Variants in PARD3B observed in about 807,000 individuals in gnomAD.
PARD3B encodes the protein par-3 family cell polarity regulator beta, also known as partitioning defective 3 homolog B.
In PARD3B, 103 loss-of-function variants were observed where a neutral mutation model predicts 130.2. The observed-to-expected ratio is 0.79, with a 90% CI of 0.67 to 0.93. The LOEUF is 0.93. Among genes scored for constraint, PARD3B ranks in the 40% least tolerant of loss-of-function variants. PARD3B has a pLI of 0.00. For missense variants in PARD3B, 1,609 were observed against 1,499.2 expected (o/e 1.07, Z -1.21); for synonymous variants, 583 against 553.2 (o/e 1.05, Z -0.76).
chr2:205,569,936 T>A (rs565516359), intron 22 of PARD3B, among the ~76,000 whole-genome samples: 21 of 152,214 alleles, frequency 1.4e-4, no homozygotes, highest in African/African-American at 5.1e-4. Context: ...ACACCCCTCA[T>A]CTCCTAGAGC....
Position 205,351,010 on chromosome 2 carries a change from T to G in PARD3B, c.2630+49309T>G, listed in dbSNP as rs947739475. ...CTTACTAAATTTTACTAATTGCATATCAAAACAATGATAAGAGCAACTTCT... is the reference window on the plus strand; with the variant it reads ...CTTACTAAATTTTACTAATTGCATAGCAAAACAATGATAAGAGCAACTTCT... On this transcript the variant is annotated intron_variant, in intron 18 of 22. Transcript: ENST00000406610. This position sits in a 1 kb window ranked among gnomAD's most constrained non-coding sequence, Gnocchi z 4.2. 6.6e-6 allele frequency among the ~76,000 whole-genome samples: 1 copy of G among 152,250 alleles called. No individual in the cohort carries two copies. Among genetic ancestry groups the G allele is most frequent in the African/African-American group, 2.4e-5 (1 of 41,470 alleles).
chr2:205,560,806 T>A (rs997986172), intron 22 of PARD3B, among the ~76,000 whole-genome samples: 2 of 152,176 alleles, frequency 1.3e-5, no homozygotes, highest in Non-Finnish European at 2.9e-5. Flanking sequence ...TGGAGCTGAG[T>A]GTGGATAGAA....
intron 20 of PARD3B, among the ~76,000 whole-genome samples, chr2:205,442,517 G>A (rs2047755330): frequency 6.6e-6 from 1 of 152,030 alleles, no homozygotes; most frequent in African/African-American, 2.4e-5. Flanking sequence ...TAACCAGGCT[G>A]GTCTTGAACT....
intron 2 of PARD3B, among the ~76,000 whole-genome samples, chr2:204,800,785 C>T (rs931795945): frequency 6.6e-6 from 1 of 152,120 alleles, no homozygotes; most frequent in Admixed American, 6.5e-5. Flanking sequence ...AAGTCTTTGC[C>T]CATGCCTATG....
chr2:204,790,854 C>T (rs1164180487), intron 2 of PARD3B, among the ~76,000 whole-genome samples: 1 of 152,114 alleles, frequency 6.6e-6, no homozygotes, highest in African/African-American at 2.4e-5. Flanking sequence ...CCTGTAATAC[C>T]AGCCCTTTGG....
At chr2:205,314,532 A>T (rs571319347) in intron 18 of PARD3B, among the ~76,000 whole-genome samples, 1 of 152,336 alleles carries the variant, frequency 6.6e-6, no homozygotes, top group East Asian at 1.9e-4. Context: ...AAGCAAGGAG[A>T]CCTGAATCTT....
intron 1 of PARD3B, among the ~76,000 whole-genome samples, chr2:204,680,394 T>C (rs536247722): frequency 6.6e-6 from 1 of 152,082 alleles, no homozygotes; most frequent in Non-Finnish European, 1.5e-5. Context: ...ATCTGTAGGA[T>C]CTATAATGGT....
intron 20 of PARD3B, among the ~76,000 whole-genome samples, chr2:205,489,546 A>ATG (rs374382903): frequency 6.3e-5 from 5 of 78,844 alleles, no homozygotes; most frequent in African/African-American, 1.2e-4. Context: ...TGGCATATAT[A>ATG]TGTATATATA....
Position 205,366,668 on chromosome 2 carries a change from C to CT in PARD3B, c.2631-34335dup, listed in dbSNP as rs72047782. On this transcript the variant is annotated intron_variant, in intron 18 of 22. Coordinates refer to ENST00000406610, the MANE Select transcript of PARD3B (RefSeq NM_001302769.2). The surrounding 1 kb of genome is among the most constrained non-coding windows in gnomAD (Gnocchi z 5.0). The stretch of plus-strand genomic sequence containing the variant: ...GTCTCCTCTCAAGCCTAAATTCACA[C>CT]TTTTTTTTTTCTTTAACTGTGACTG... Among the ~76,000 whole-genome samples, 51 of 150,578 alleles carry CT rather than the reference C, an allele frequency of 3.4e-4. 1 individual carries two copies. Among genetic ancestry groups the CT allele is most frequent in the African/African-American group, 1.2e-3 (50 of 41,148 alleles).
chr2:204,660,286 C>T (rs1199935905), intron 1 of PARD3B, among the ~76,000 whole-genome samples: 1 of 152,104 alleles, frequency 6.6e-6, no homozygotes, highest in Non-Finnish European at 1.5e-5. Flanking sequence ...TTGCAATTAA[C>T]CACCTCCTTC....
chr2:204,563,535 C>T (rs2031481244), intron 1 of PARD3B, among the ~76,000 whole-genome samples: 1 of 152,032 alleles, frequency 6.6e-6, no homozygotes, highest in African/African-American at 2.4e-5. Context: ...TTCCCCATTG[C>T]CTTTCTTACA....
Position 205,300,520 on chromosome 2 carries a change from T to G in PARD3B, c.2186-10T>G, listed in dbSNP as rs1418082705. 12 of 1,610,006 alleles carry G rather than the reference T, an allele frequency of 7.5e-6. No individual in the cohort carries two copies. Among genetic ancestry groups the G allele is most frequent in the Non-Finnish European group, 1.0e-5 (12 of 1,177,116 alleles). Reference sequence around the variant, plus strand: ...AGAAGAGGGGTGACCTTTTGCCCTTTCTTTTCCAGAATCTCCAAGCAAAGA... The same window carrying G: ...AGAAGAGGGGTGACCTTTTGCCCTTGCTTTTCCAGAATCTCCAAGCAAAGA... On this transcript the variant is annotated splice_polypyrimidine_tract_variant and intron_variant, in intron 16 of 22. Transcript: ENST00000406610. This position sits in a 1 kb window ranked among gnomAD's most constrained non-coding sequence, Gnocchi z 4.1.
chr2:205,031,649 A>G (rs1697433101), intron 3 of PARD3B, among the ~76,000 whole-genome samples: 1 of 152,042 alleles, frequency 6.6e-6, no homozygotes. Flanking sequence ...ACTTATCAAT[A>G]TTGTCTGTTT....
At position 204,579,399 on chromosome 2, in the gene PARD3B, G is replaced by A. The variant is rs965426370; in HGVS notation, c.120+33280G>A. 3.9e-5 allele frequency among the ~76,000 whole-genome samples: 6 copies of A among 152,064 alleles called. No homozygotes were observed. In the South Asian group the frequency reaches 1.0e-3, roughly 26 times the overall value. ...TCATTCTTGGTGGTTCCCAGGGAGC[G>A]CGAGGAATGATGTCAGCAGAGCCGT... On this transcript the variant is annotated intron_variant, in intron 1 of 22. Coordinates refer to ENST00000406610, the MANE Select transcript of PARD3B (RefSeq NM_001302769.2).
chr2:204,742,391 G>T (rs914989105), intron 2 of PARD3B, among the ~76,000 whole-genome samples: 1 of 152,144 alleles, frequency 6.6e-6, no homozygotes, highest in Non-Finnish European at 1.5e-5. Context: ...AAGTAGACCA[G>T]GGTGGGACTC....
intron 2 of PARD3B, among the ~76,000 whole-genome samples, chr2:204,765,086 TG>T (rs2041085549): frequency 2.6e-5 from 4 of 152,170 alleles, no homozygotes; most frequent in Non-Finnish European, 5.9e-5. Flanking sequence ...AGATGGGATT[TG>T]GTTAACTGAG....
intron 19 of PARD3B, among the ~76,000 whole-genome samples, chr2:205,437,287 T>A (rs941913868): frequency 4.6e-5 from 7 of 152,198 alleles, no homozygotes; most frequent in Admixed American, 3.9e-4. Context: ...GTCACTTACT[T>A]GACTTCATCA....
chr2:204,792,198 G>A (rs978793831), intron 2 of PARD3B, among the ~76,000 whole-genome samples: 2 of 152,240 alleles, frequency 1.3e-5, no homozygotes, highest in East Asian at 3.9e-4. Context: ...GAATCTGGTA[G>A]CAAATATACA....
Position 205,407,410 on chromosome 2 carries a change from A to G in PARD3B, c.2741+6287A>G, listed in dbSNP as rs1025822173. On this transcript the variant is annotated intron_variant, in intron 19 of 22. Coordinates refer to ENST00000406610, the MANE Select transcript of PARD3B (RefSeq NM_001302769.2). This position sits in a 1 kb window ranked among gnomAD's most constrained non-coding sequence, Gnocchi z 4.1. Reference sequence around the variant, plus strand: ...GTTATATTCAAAGATGATTTCTTCCAACATTTTTCAAACTAAATTAAATTA... The same window carrying G: ...GTTATATTCAAAGATGATTTCTTCCGACATTTTTCAAACTAAATTAAATTA... Among the ~76,000 whole-genome samples the G allele has an allele frequency of 6.6e-6, 1 of 152,248 alleles. No homozygotes were observed. The highest frequency in any genetic ancestry group is 1.5e-5 in the Non-Finnish European group (1 of 68,042).
Sources: allele counts gnomAD v4.1 joint callset (sites outside exome capture counted in the v4.1 genomes callset), GRCh38; gene constraint gnomAD v4.1.1; non-coding constraint Gnocchi (gnomAD v3.1); transcripts MANE v1.5; gene names NCBI Gene and HGNC (gene_info 2026-07-23, HGNC 2026-07-21).